IFT88: variants seen among roughly 807,000 people sequenced by gnomAD.
IFT88 encodes intraflagellar transport protein 88 homolog.
IFT88 carries 74 observed loss-of-function variants against 119.5 expected under a neutral mutation model. The ratio of observed to expected loss-of-function variants is 0.62; its 90% confidence interval spans 0.51 to 0.75. The LOEUF is 0.75. IFT88 is among the 30% of genes least tolerant of loss of function. The probability of loss-of-function intolerance (pLI) is 0.00; values close to 1 mark genes in which losing one functional copy is unlikely to be tolerated. For synonymous variants in IFT88, 279 were observed against 316.7 expected (o/e 0.88, Z 1.26); for missense variants, 961 against 977.7 (o/e 0.98, Z 0.23).
At chr13:20,582,517 C>A (rs2038895330) in intron 2 of IFT88, among the ~76,000 whole-genome samples, 1 of 151,622 alleles carries the variant, frequency 6.6e-6, no homozygotes, top group African/African-American at 2.4e-5. Context: ...GTGCCCCCTG[C>A]TTGTAGAAAA....
chr13:20,639,942 C>T (rs1418691959), intron 17 of IFT88, among the ~76,000 whole-genome samples: 1 of 151,774 alleles, frequency 6.6e-6, no homozygotes, highest in Non-Finnish European at 1.5e-5. Context: ...GTGCGCTCCA[C>T]TACGCCCGTC....
intron 24 of IFT88, among the ~76,000 whole-genome samples, chr13:20,673,357 C>A (rs76359380): frequency 7.2e-5 from 11 of 152,146 alleles, no homozygotes; most frequent in African/African-American, 2.7e-4. Flanking sequence ...GATAGAACAC[C>A]CGAAAAACTG....
intron 20 of IFT88, among the ~76,000 whole-genome samples, chr13:20,648,302 A>C (rs1463446747): frequency 6.6e-6 from 1 of 152,236 alleles, no homozygotes; most frequent in East Asian, 1.9e-4. Flanking sequence ...AGGCTGAGGC[A>C]TGAGAATCGC....
intron 18 of IFT88, 191 bp downstream of exon 18, chr13:20,641,589 A>T (rs1244528516): frequency 2.3e-6 from 1 of 436,974 alleles, no homozygotes; most frequent in Non-Finnish European, 4.1e-6. Context: ...TGTAGTTTGC[A>T]TCGAAAGAGG....
intron 24 of IFT88, among the ~76,000 whole-genome samples, chr13:20,675,272 C>T (rs571552421): frequency 1.3e-5 from 2 of 152,146 alleles, no homozygotes; most frequent in South Asian, 2.1e-4. Context: ...GGCCGGGGGG[C>T]GGGTGCTGTC....
chr13:20,603,194 A>G (rs1464307652), intron 12 of IFT88, among the ~76,000 whole-genome samples: 2 of 152,126 alleles, frequency 1.3e-5, no homozygotes, highest in Admixed American at 6.5e-5. Flanking sequence ...TACATTTTCA[A>G]TTTCACAGAG....
chr13:20,647,898 A>G (rs79883922), intron 20 of IFT88, among the ~76,000 whole-genome samples: 1 of 152,356 alleles, frequency 6.6e-6, no homozygotes, highest in Non-Finnish European at 1.5e-5. Context: ...AATGAGACAC[A>G]TTATGATCAA....
At chr13:20,573,497 T>C (rs573073095) in intron 1 of IFT88, among the ~76,000 whole-genome samples, 1 of 152,328 alleles carries the variant, frequency 6.6e-6, no homozygotes, top group South Asian at 2.1e-4. Flanking sequence ...CGACAGCTAC[T>C]ATGAACATTC....
intron 13 of IFT88, chr13:20,607,687 G>T: frequency 1.2e-6 from 1 of 852,670 alleles, no homozygotes; most frequent in South Asian, 1.3e-5. Context: ...GCAGCGACTT[G>T]ACTACGTCTC....
chr13:20,685,604 C>G (rs762024774), intron 24 of IFT88, among the ~76,000 whole-genome samples: 6 of 152,224 alleles, frequency 3.9e-5, no homozygotes, highest in Non-Finnish European at 7.3e-5. Context: ...GGCATGGTGG[C>G]TCACGCCTGT....
chr13:20,573,741 G>A (rs1168764919), intron 1 of IFT88, among the ~76,000 whole-genome samples: 2 of 152,270 alleles, frequency 1.3e-5, no homozygotes, highest in Non-Finnish European at 1.5e-5. Flanking sequence ...TACACATTCT[G>A]ATGGGTATGT....
In IFT88 at chr13:20,589,802, C is replaced by G; in HGVS notation, c.154-9C>G. 6.3e-7 allele frequency: 1 copy of G among 1,582,556 alleles called. No individual in the cohort carries two copies. The highest frequency in any genetic ancestry group is 8.6e-7 in the Non-Finnish European group (1 of 1,157,720). On this transcript the variant is annotated splice_polypyrimidine_tract_variant and intron_variant, in intron 3 of 25. Coordinates refer to ENST00000351808, the MANE Select transcript of IFT88 (RefSeq NM_006531.5). ...AATCCTGTTAACTATGTTCTTTTTC[C>G]TCCCCAAGATAACTGCTAAAATATC...
At position 20,615,111 on chromosome 13, in the gene IFT88, G is replaced by A. The variant is rs186330087; in HGVS notation, c.1113-682G>A. Among the ~76,000 whole-genome samples, 7 of 152,208 alleles carry A rather than the reference G, an allele frequency of 4.6e-5. No homozygotes were observed. In the South Asian group the frequency reaches 6.2e-4, roughly 14 times the overall value. On this transcript the variant is annotated intron_variant, in intron 13 of 25. Coordinates refer to ENST00000351808, the MANE Select transcript of IFT88 (RefSeq NM_006531.5). The stretch of plus-strand genomic sequence containing the variant: ...ATTACAGGCATGAGCCACTGCGCCC[G>A]TCCTGGAAAGATTATTTCTATATTA...
At chr13:20,668,730 TGAG>T (rs1181034640) in intron 23 of IFT88, among the ~76,000 whole-genome samples, 1 of 151,980 alleles carries the variant, frequency 6.6e-6, no homozygotes, top group Non-Finnish European at 1.5e-5. Context: ...GGGGGTCTCC[TGAG>T]GAGATGAGGG....
Position 20,688,869 on chromosome 13 carries a change from G to A in IFT88, c.2243-1836G>A, listed in dbSNP as rs79759366. Among the ~76,000 whole-genome samples the A allele has an allele frequency of 5.8e-3, 885 of 152,166 alleles. 6 individuals carry two copies. Among genetic ancestry groups the A allele is most frequent in the Middle Eastern group, 0.017 (5 of 294 alleles). On this transcript the variant is annotated intron_variant, in intron 24 of 25. Transcript: ENST00000351808. Reference sequence around the variant, plus strand: ...ATCCCCACAAGCAGCTGGGATAATAGGTGCATGCCACTCTGCCCAGCCAAG... The same window carrying A: ...ATCCCCACAAGCAGCTGGGATAATAAGTGCATGCCACTCTGCCCAGCCAAG...
At chr13:20,659,882 T>G (rs112043556) in intron 22 of IFT88, among the ~76,000 whole-genome samples, 6,539 of 152,288 alleles carry the variant, frequency 0.043, 182 homozygotes, top group Middle Eastern at 0.075. Flanking sequence ...GACCTCATGA[T>G]CTGCCCGCCT....
intron 24 of IFT88, among the ~76,000 whole-genome samples, chr13:20,682,307 T>G (rs2057412404): frequency 1.3e-5 from 2 of 152,214 alleles, no homozygotes. Context: ...AAGTCTAAAG[T>G]CTTTGTTGGA....
chr13:20,645,833 A>C (rs1445941628), intron 20 of IFT88, among the ~76,000 whole-genome samples: 2 of 152,180 alleles, frequency 1.3e-5, no homozygotes, highest in Non-Finnish European at 2.9e-5. Flanking sequence ...TAATAAGTGA[A>C]ATGATTTCTG....
chr13:20,576,056 G>A (rs2037322921), intron 2 of IFT88, among the ~76,000 whole-genome samples: 1 of 152,276 alleles, frequency 6.6e-6, no homozygotes, highest in East Asian at 1.9e-4. Flanking sequence ...TTGGATAAAA[G>A]CCATTTTAAC....
Sources: gnomAD v4.1 joint callset for allele counts (sites outside exome capture counted in the v4.1 genomes callset) on GRCh38, gnomAD v4.1.1 for gene constraint, MANE v1.5 for transcripts, NCBI Gene and HGNC (gene_info 2026-07-23, HGNC 2026-07-21) for gene names.